SCFD2: variants seen among roughly 807,000 people sequenced by gnomAD.
SCFD2 encodes the protein sec1 family domain-containing protein 2.
Under a neutral mutation model 58.9 loss-of-function variants are expected in SCFD2, and 54 were observed. The observed-to-expected ratio is 0.92, with a 90% CI of 0.74 to 1.15. The LOEUF is 1.15. Among genes scored for constraint, SCFD2 ranks in the 50% most tolerant of loss-of-function variants. The pLI, the probability that SCFD2 is intolerant of heterozygous loss-of-function variation, is 0.00. For missense variants in SCFD2, 805 were observed against 836.6 expected (o/e 0.96, Z 0.47); for synonymous variants, 321 against 335.9 (o/e 0.96, Z 0.49).
chr4:53,145,265 G>A, intron 5 of SCFD2, 68 bp downstream of exon 5: 1 of 1,558,956 alleles, frequency 6.4e-7, no homozygotes, highest in African/African-American at 1.4e-5. Flanking sequence ...TCCCAAAACA[G>A]TATTTATTTT....
chr4:52,946,120 T>C (rs1009780862), intron 5 of SCFD2, among the ~76,000 whole-genome samples: 4 of 152,200 alleles, frequency 2.6e-5, no homozygotes, highest in South Asian at 2.1e-4. Context: ...TTCAAAAGCA[T>C]AGAAAATTAT....
chr4:52,964,368 C>T (rs921538804), intron 5 of SCFD2, among the ~76,000 whole-genome samples: 5 of 152,258 alleles, frequency 3.3e-5, no homozygotes, highest in Admixed American at 3.3e-4. Flanking sequence ...AGTGTTAAGT[C>T]ATCAGTAGTA....
intron 7 of SCFD2, among the ~76,000 whole-genome samples, chr4:52,899,965 G>A (rs979173697): frequency 3.9e-5 from 6 of 151,910 alleles, no homozygotes; most frequent in African/African-American, 9.7e-5. Flanking sequence ...TTGTGCATTC[G>A]TCACGTAGTT....
intron 4 of SCFD2, among the ~76,000 whole-genome samples, chr4:53,269,450 TGTGA>T (rs1425297306): frequency 6.6e-6 from 1 of 152,182 alleles, no homozygotes; most frequent in African/African-American, 2.4e-5. Flanking sequence ...TCACAATCAT[TGTGA>T]GTAATTTAAA....
chr4:53,227,953 T>C (rs530004117), intron 4 of SCFD2, among the ~76,000 whole-genome samples: 51 of 152,282 alleles, frequency 3.3e-4, no homozygotes, highest in Middle Eastern at 3.4e-3. Flanking sequence ...CAATGTAGTG[T>C]GGTAGAGTTA....
rs930665866 is a variant in SCFD2, at chr4:52,960,586, C to T, written c.1562-39716G>A. 6.3e-4 allele frequency among the ~76,000 whole-genome samples: 96 copies of T among 152,166 alleles called. 1 individual carries two copies. Among genetic ancestry groups the T allele is most frequent in the African/African-American group, 2.3e-3 (94 of 41,520 alleles). On this transcript the variant is annotated intron_variant, in intron 5 of 8. Transcript: ENST00000401642. ...GTTTCTCCACGTTGGTCAGGCTGGT[C>T]TCAAACTCCCGACCTCAGGTGATCC... is the stretch of plus-strand genomic sequence containing the variant.
At chr4:52,994,654 C>G (rs1721698808) in intron 5 of SCFD2, among the ~76,000 whole-genome samples, 1 of 152,138 alleles carries the variant, frequency 6.6e-6, no homozygotes, top group Admixed American at 6.5e-5. Flanking sequence ...CTACTCCACT[C>G]GACAGATATA....
intron 4 of SCFD2, among the ~76,000 whole-genome samples, chr4:53,216,111 T>C (rs565128028): frequency 6.6e-6 from 1 of 152,308 alleles, no homozygotes; most frequent in African/African-American, 2.4e-5. Flanking sequence ...AATTCTCTTT[T>C]TTTGTTGTGT....
chr4:53,328,435 G>A (rs1436710616), intron 2 of SCFD2, among the ~76,000 whole-genome samples: 7 of 152,114 alleles, frequency 4.6e-5, no homozygotes, highest in African/African-American at 1.4e-4. Context: ...CTCAAAGAAC[G>A]ATGGTTATAT....
chr4:52,881,280 T>C (rs186785608), intron 8 of SCFD2, among the ~76,000 whole-genome samples: 2 of 152,370 alleles, frequency 1.3e-5, no homozygotes, highest in East Asian at 1.9e-4. Context: ...TCATTTCCTT[T>C]GAACAGCTGA....
At chr4:53,194,258 GTTTTC>G (rs1727994194) in intron 4 of SCFD2, among the ~76,000 whole-genome samples, 1 of 152,038 alleles carries the variant, frequency 6.6e-6, no homozygotes, top group South Asian at 2.1e-4. Flanking sequence ...AACGAATGCA[GTTTTC>G]TTTTCCTTTT....
At chr4:52,992,174 G>A (rs1162744629) in intron 5 of SCFD2, among the ~76,000 whole-genome samples, 4 of 152,150 alleles carry the variant, frequency 2.6e-5, no homozygotes, top group Non-Finnish European at 4.4e-5. Context: ...TTGCAGGAGC[G>A]CGCCACCACG....
intron 4 of SCFD2, among the ~76,000 whole-genome samples, chr4:53,164,131 T>C (rs1211619201): frequency 1.3e-5 from 2 of 152,112 alleles, no homozygotes; most frequent in Non-Finnish European, 2.9e-5. Flanking sequence ...AGGTACTGTA[T>C]ATTTGTTTTA....
chr4:53,241,926 C>T (rs1197641991), intron 4 of SCFD2, among the ~76,000 whole-genome samples: 5 of 152,238 alleles, frequency 3.3e-5, no homozygotes, highest in Admixed American at 3.3e-4. Context: ...CCTGCATGGA[C>T]ATGTACAGAG....
intron 4 of SCFD2, among the ~76,000 whole-genome samples, chr4:53,171,933 C>G (rs1231446847): frequency 6.6e-6 from 1 of 150,882 alleles, no homozygotes; most frequent in East Asian, 1.9e-4. Flanking sequence ...TTCAAAAAAT[C>G]TGCTCTTAAT....
chr4:53,254,771 A>AATT (rs1730534290), intron 4 of SCFD2, among the ~76,000 whole-genome samples: 1 of 151,612 alleles, frequency 6.6e-6, no homozygotes, highest in Non-Finnish European at 1.5e-5. Flanking sequence ...GGCTGGTGCC[A>AATT]TCAGGGAAGC....
At chr4:53,163,231 C>A (rs976969642) in intron 4 of SCFD2, among the ~76,000 whole-genome samples, 22 of 152,142 alleles carry the variant, frequency 1.4e-4, no homozygotes, top group African/African-American at 5.3e-4. Flanking sequence ...GGACAAACTC[C>A]AAAAAAGGCT....
chr4:52,941,087 AT>A (rs71913452), intron 5 of SCFD2, among the ~76,000 whole-genome samples: 25,806 of 147,540 alleles, frequency 0.17, 4,955 homozygotes, highest in African/African-American at 0.48. Flanking sequence ...AAATCCTGGC[AT>A]TTTTTTTTTT....
intron 6 of SCFD2, among the ~76,000 whole-genome samples, chr4:52,915,568 C>G (rs777668265): frequency 3.5e-4 from 53 of 152,142 alleles, no homozygotes; most frequent in Non-Finnish European, 6.6e-4. Flanking sequence ...AAAAATGGTT[C>G]ATTTGTCTGT....
Sources: gnomAD v4.1 joint callset for allele counts (sites outside exome capture counted in the v4.1 genomes callset) on GRCh38, gnomAD v4.1.1 for gene constraint, MANE v1.5 for transcripts, NCBI Gene and HGNC (gene_info 2026-07-23, HGNC 2026-07-21) for gene names.